Variants in EZH1 observed in about 807,000 individuals in gnomAD.
EZH1 encodes enhancer of zeste 1 polycomb repressive complex 2 subunit.
A neutral mutation model predicts 100.5 loss-of-function variants in EZH1; 33 were observed. That is an observed-to-expected ratio of 0.33 (90% CI 0.25 to 0.44). The LOEUF (loss-of-function observed/expected upper bound fraction) is 0.44, where lower values mean the gene tolerates loss of function less well. Among genes scored for constraint, EZH1 ranks in the 20% least tolerant of loss-of-function variants. The pLI, the probability that EZH1 is intolerant of heterozygous loss-of-function variation, is 1.00. For synonymous variants in EZH1, 272 were observed against 313.8 expected (o/e 0.87, Z 1.41); for missense variants, 475 against 928.4 (o/e 0.51, Z 6.35).
intron 6 of EZH1, among the ~76,000 whole-genome samples, chr17:42,721,105 T>C (rs1279517181): frequency 6.6e-6 from 1 of 152,200 alleles, no homozygotes; most frequent in Non-Finnish European, 1.5e-5. Flanking sequence ...TGCTGATGGG[T>C]CAGTAATGAC....
chr17:42,735,378 A>AGG (rs2054046678), intron 1 of EZH1, among the ~76,000 whole-genome samples: 1 of 152,170 alleles, frequency 6.6e-6, no homozygotes, highest in Admixed American at 6.6e-5. Context: ...TAAAAAAAAA[A>AGG]AAGGGAACAA....
intron 6 of EZH1, among the ~76,000 whole-genome samples, chr17:42,720,876 CCA>C (rs2053692856): frequency 6.6e-6 from 1 of 152,096 alleles, no homozygotes; most frequent in South Asian, 2.1e-4. Flanking sequence ...GTCGTGAACT[CCA>C]GACCTCAGGT....
intron 17 of EZH1, 25 bp downstream of exon 17, chr17:42,705,063 T>C (rs774337732): frequency 6.3e-7 from 1 of 1,582,146 alleles, no homozygotes; most frequent in Non-Finnish European, 8.7e-7. Context: ...CGAGTAAGAA[T>C]GTGGGCCAAA....
At chr17:42,743,907 CCT>C (rs1387984621) in intron 1 of EZH1, among the ~76,000 whole-genome samples, 2 of 152,144 alleles carry the variant, frequency 1.3e-5, no homozygotes, top group Non-Finnish European at 2.9e-5. Flanking sequence ...AGGCTGGAAA[CCT>C]CCTTCAATAT....
chr17:42,703,813 T>C lies in EZH1; in HGVS notation c.2025A>G (p.Val675=). 2 of 1,612,708 alleles carry C rather than the reference T, an allele frequency of 1.2e-6. No homozygotes were observed. The highest frequency in any genetic ancestry group is 1.7e-6 in the Non-Finnish European group (2 of 1,178,766). ...SFLFNLNNDF[V]VDATRKGNKI... ...TGTTTCCTTTCCGAGTAGCATCCAC[T>C]ACAAAATCTGTATAAAGTAAATCAA... Residue 675 remains valine, a synonymous_variant, in exon 19 of 21, where the codon GTA becomes GTG. Transcript: ENST00000428826.
At chr17:42,707,915 C>T (rs766786232) in intron 15 of EZH1, 43 bp downstream of exon 15, 4 of 1,612,136 alleles carry the variant, frequency 2.5e-6, no homozygotes, top group Non-Finnish European at 3.4e-6. Flanking sequence ...CACACTGGAG[C>T]CAACTGTTTT....
At chr17:42,739,908 C>T (rs1015811546) in intron 1 of EZH1, among the ~76,000 whole-genome samples, 5 of 151,654 alleles carry the variant, frequency 3.3e-5, no homozygotes, top group Non-Finnish European at 7.4e-5. Context: ...CTCAGCCTCC[C>T]GAGTACCTGG....
chr17:42,705,987 G>A lies in EZH1; in HGVS notation c.1839+20C>T, dbSNP rs2053346460. ...CCCCCTCCATTTTATGTGGTGTGGG[G>A]TCCTGAGGAAAGGCCTCACCTTCTT... On this transcript the variant is annotated intron_variant, in intron 16 of 20. Coordinates refer to ENST00000428826, the MANE Select transcript of EZH1 (RefSeq NM_001991.5). 1 of 1,597,426 alleles carries A rather than the reference G, an allele frequency of 6.3e-7. No individual in the cohort carries two copies. The highest frequency in any genetic ancestry group is 8.5e-7 in the Non-Finnish European group (1 of 1,170,958).
chr17:42,739,533 A>AC (rs2054135600), intron 1 of EZH1, among the ~76,000 whole-genome samples: 1 of 152,046 alleles, frequency 6.6e-6, no homozygotes, highest in Non-Finnish European at 1.5e-5. Context: ...GGGGTTCGAG[A>AC]CCAGCCTAAC....
chr17:42,718,126 A>C lies in EZH1; in HGVS notation c.932-59T>G. The C allele has an allele frequency of 7.0e-7, 1 of 1,423,820 alleles. No individual in the cohort carries two copies. Among genetic ancestry groups the C allele is most frequent in the Non-Finnish European group, 9.9e-7 (1 of 1,012,578 alleles). 88.2% of individuals were successfully genotyped at this position (1,423,820 alleles called of 1,614,324 possible). A position where few individuals can be genotyped will look rare whatever the true frequency, so the allele number is the denominator to read the frequency against. On this transcript the variant is annotated intron_variant, in intron 9 of 20. Transcript: ENST00000428826. The surrounding 1 kb of genome is among the most constrained non-coding windows in gnomAD (Gnocchi z 4.2). ...CTATCCACTTGACAAGATGGGGAGA[A>C]ACAAAAGTGAATTAGAGAGCTATTG... is the stretch of plus-strand genomic sequence containing the variant.
chr17:42,736,559 G>C (rs2054067060), intron 1 of EZH1, among the ~76,000 whole-genome samples: 1 of 152,208 alleles, frequency 6.6e-6, no homozygotes, highest in African/African-American at 2.4e-5. Context: ...TGCTGGTTGA[G>C]TGCAGTGGCT....
At chr17:42,707,240 TAA>T (rs966633602) in intron 15 of EZH1, among the ~76,000 whole-genome samples, 29 of 141,630 alleles carry the variant, frequency 2.0e-4, no homozygotes, top group South Asian at 2.2e-4. Context: ...GGCTGTAACT[TAA>T]AAAAAAAAAA....
At chr17:42,709,315 A>C (rs535313137) in intron 13 of EZH1, 16 of 220,940 alleles carry the variant, frequency 7.2e-5, no homozygotes, top group African/African-American at 2.9e-4. Context: ...TCTCTGAAAG[A>C]ACTGAAAGGG....
At chr17:42,736,088 A>T (rs1436437881) in intron 1 of EZH1, among the ~76,000 whole-genome samples, 1 of 152,236 alleles carries the variant, frequency 6.6e-6, no homozygotes, top group Non-Finnish European at 1.5e-5. Context: ...CATTAGGGAA[A>T]TGCAGATGAA....
chr17:42,705,896 G>T, intron 16 of EZH1, 111 bp downstream of exon 16: 1 of 1,100,154 alleles, frequency 9.1e-7, no homozygotes, highest in Non-Finnish European at 1.2e-6. Flanking sequence ...GATTTATCAA[G>T]CACTTTCACA....
chr17:42,730,137 GTCC>G (rs2053911740), intron 2 of EZH1, among the ~76,000 whole-genome samples: 1 of 152,142 alleles, frequency 6.6e-6, no homozygotes, highest in South Asian at 2.1e-4. Flanking sequence ...CTTAGCCTCT[GTCC>G]TCCTGTGGTA....
intron 1 of EZH1, chr17:42,731,899 T>TCAAAA (rs566602742): frequency 3.9e-4 from 59 of 152,312 alleles, no homozygotes; most frequent in East Asian, 2.3e-3. Context: ...AGACTCTGCC[T>TCAAAA]CAAAACAAAA....
At position 42,713,371 on chromosome 17, in the gene EZH1, C is replaced by T; in HGVS notation, c.1042G>A (p.Ala348Thr). 6.2e-7 allele frequency: 1 copy of T among 1,605,944 alleles called. No individual in the cohort carries two copies. The highest frequency in any genetic ancestry group is 8.5e-7 in the Non-Finnish European group (1 of 1,173,076). Residue 348 changes from alanine (A) to threonine (T), a missense_variant, in exon 11 of 21, where the codon GCC becomes ACC. Transcript: ENST00000428826. ...FLLLEGAKEYAMLHNPRSKCS... is the reference protein window; with the variant it reads ...FLLLEGAKEYTMLHNPRSKCS... Reference sequence around the variant, plus strand: ...TTGGAGCGGGGGTTGTGGAGCATGGCATACTCCTTTGCTCCTTCCTGCAGT... The same window carrying T: ...TTGGAGCGGGGGTTGTGGAGCATGGTATACTCCTTTGCTCCTTCCTGCAGT...
intron 10 of EZH1, among the ~76,000 whole-genome samples, chr17:42,713,680 C>T (rs149732280): frequency 6.6e-6 from 1 of 152,242 alleles, no homozygotes; most frequent in Non-Finnish European, 1.5e-5. Flanking sequence ...ACTGCAGCCT[C>T]GAATTCCTGG....
Sources: gnomAD v4.1 joint callset for allele counts (sites outside exome capture counted in the v4.1 genomes callset) on GRCh38, gnomAD v4.1.1 for gene constraint, Gnocchi (gnomAD v3.1) non-coding constraint, MANE v1.5 for transcripts, NCBI Gene and HGNC (gene_info 2026-07-23, HGNC 2026-07-21) for gene names.